The following FGF14 variants were observed in gnomAD, a reference collection of about 807,000 sequenced individuals.
FGF14 encodes fibroblast growth factor homologous factor 4.
A neutral mutation model predicts 25.5 loss-of-function variants in FGF14; 5 were observed. The ratio of observed to expected loss-of-function variants is 0.20; its 90% confidence interval spans 0.10 to 0.41. The LOEUF (loss-of-function observed/expected upper bound fraction) is 0.41. Ranked by LOEUF, FGF14 falls within the 10% of genes least tolerant of loss-of-function variation. The probability of loss-of-function intolerance (pLI) is 1.00; values close to 1 mark genes in which losing one functional copy is unlikely to be tolerated. For missense variants in FGF14, 222 were observed against 320.1 expected (o/e 0.69, Z 2.34); for synonymous variants, 138 against 118.3 (o/e 1.17, Z -1.08).
chr13:102,041,642 GA>G (rs1284278833), intron 1 of FGF14, among the ~76,000 whole-genome samples: 1 of 151,666 alleles, frequency 6.6e-6, no homozygotes. Flanking sequence ...ACTAGAACAG[GA>G]ATTTTGAAAG....
intron 1 of FGF14, among the ~76,000 whole-genome samples, chr13:101,909,288 A>G (rs1454432697): frequency 6.6e-6 from 1 of 152,208 alleles, no homozygotes; most frequent in African/African-American, 2.4e-5. Flanking sequence ...AGAAACCACC[A>G]TCAGAGTGAA....
chr13:101,904,025 T>C (rs1288801577), intron 1 of FGF14, among the ~76,000 whole-genome samples: 1 of 152,222 alleles, frequency 6.6e-6, no homozygotes, highest in Admixed American at 6.5e-5. Context: ...AATACACTAC[T>C]GTCTCAATGT....
At chr13:102,045,791 T>C (rs2041954848) in intron 1 of FGF14, 1 of 152,158 alleles carries the variant, frequency 6.6e-6, no homozygotes, top group Non-Finnish European at 1.5e-5. Context: ...GAATTCAGCC[T>C]GAAAATCTTT....
intron 1 of FGF14, among the ~76,000 whole-genome samples, chr13:102,224,550 T>A (rs939441468): frequency 2.0e-5 from 3 of 152,084 alleles, no homozygotes; most frequent in African/African-American, 7.2e-5. Flanking sequence ...ACATTCAGGG[T>A]CCTATCCAAC....
chr13:102,049,803 T>A (rs2042142700), intron 1 of FGF14, among the ~76,000 whole-genome samples: 1 of 151,924 alleles, frequency 6.6e-6, no homozygotes, highest in East Asian at 1.9e-4. Context: ...AGGAAGAGAC[T>A]GGAGAGAGCT....
In FGF14 at chr13:101,721,194, T is replaced by G. The variant is rs2034952895; in HGVS notation, c.*1637A>C. ...AGAAAACATTGAATTTTATTAGGTG[T>G]ACACAGAGTTAACAAATAAATTCCC... is the stretch of plus-strand genomic sequence containing the variant. On this transcript the variant is annotated 3_prime_UTR_variant, in exon 5 of 5. Coordinates refer to ENST00000376143, the MANE Select transcript of FGF14 (RefSeq NM_004115.4). 1 of 152,030 alleles carries G rather than the reference T, an allele frequency of 6.6e-6. No individual in the cohort carries two copies. The highest frequency in any genetic ancestry group is 2.4e-5 in the African/African-American group (1 of 41,366). The allele number at this position is 152,030 out of a possible 1,614,324, so 9.4% of individuals were successfully genotyped here. A position where few individuals can be genotyped will look rare whatever the true frequency, so the allele number is the denominator to read the frequency against.
At chr13:101,984,296 A>G (rs2038438522) in intron 1 of FGF14, among the ~76,000 whole-genome samples, 1 of 152,172 alleles carries the variant, frequency 6.6e-6, no homozygotes, top group Non-Finnish European at 1.5e-5. Flanking sequence ...TGCACATATA[A>G]TTGGTTTTAG....
intron 1 of FGF14, among the ~76,000 whole-genome samples, chr13:102,300,628 C>T (rs1348107938): frequency 6.6e-6 from 1 of 152,084 alleles, no homozygotes; most frequent in East Asian, 1.9e-4. Context: ...TAATTTACAA[C>T]CCCATCAGAT....
At chr13:102,286,168 T>C (rs1296415218) in intron 1 of FGF14, among the ~76,000 whole-genome samples, 1 of 152,140 alleles carries the variant, frequency 6.6e-6, no homozygotes, top group Non-Finnish European at 1.5e-5. Flanking sequence ...TAAGCAATCA[T>C]TGCCATATTC....
intron 1 of FGF14, among the ~76,000 whole-genome samples, chr13:102,004,729 A>G (rs1237750580): frequency 6.6e-6 from 1 of 152,112 alleles, no homozygotes; most frequent in African/African-American, 2.4e-5. Flanking sequence ...AGGTCATGGG[A>G]GGCATCCGAT....
At chr13:101,776,118 C>G (rs966936802) in intron 3 of FGF14, among the ~76,000 whole-genome samples, 1 of 152,068 alleles carries the variant, frequency 6.6e-6, no homozygotes, top group African/African-American at 2.4e-5. Flanking sequence ...ACATAGGTAT[C>G]CAGAAAAGAC....
intron 1 of FGF14, among the ~76,000 whole-genome samples, chr13:102,168,478 C>G (rs766665375): frequency 3.9e-5 from 6 of 152,062 alleles, no homozygotes; most frequent in Admixed American, 6.6e-5. Flanking sequence ...TGCACCTAGC[C>G]TAATTCTTTT....
chr13:102,264,693 C>T (rs2052898147), intron 1 of FGF14, among the ~76,000 whole-genome samples: 1 of 152,052 alleles, frequency 6.6e-6, no homozygotes, highest in African/African-American at 2.4e-5. Context: ...ACTAAAACAC[C>T]TGAGTCAAAA....
rs944900328 is a variant in FGF14, at chr13:101,713,655, A to C, written c.*9176T>G. 3.9e-5 allele frequency: 6 copies of C among 152,280 alleles called. No individual in the cohort carries two copies. The highest frequency in any genetic ancestry group is 1.4e-4 in the African/African-American group (6 of 41,578). The allele number at this position is 152,280 out of a possible 1,614,324, so 9.4% of individuals were successfully genotyped here. On this transcript the variant is annotated 3_prime_UTR_variant, in exon 5 of 5. Coordinates refer to ENST00000376143, the MANE Select transcript of FGF14 (RefSeq NM_004115.4). The stretch of plus-strand genomic sequence containing the variant: ...TGAGAGAACTTCTGTCTTGGATACC[A>C]TTCATCATCTCATTTATTTTCTTTT...
intron 3 of FGF14, among the ~76,000 whole-genome samples, chr13:101,790,710 A>G (rs1261831539): frequency 4.6e-5 from 7 of 152,096 alleles, no homozygotes; most frequent in African/African-American, 1.7e-4. Context: ...TGAGTCCACC[A>G]TAAAGGTGTT....
intron 1 of FGF14, among the ~76,000 whole-genome samples, chr13:102,052,836 A>G (rs1224551206): frequency 6.6e-6 from 1 of 152,140 alleles, no homozygotes; most frequent in Non-Finnish European, 1.5e-5. Context: ...AAAACATCTG[A>G]AAGTACAGAA....
intron 1 of FGF14, among the ~76,000 whole-genome samples, chr13:102,053,154 T>C (rs547024006): frequency 6.0e-4 from 92 of 152,098 alleles, no homozygotes; most frequent in African/African-American, 2.0e-3. Flanking sequence ...AAAGGATCTA[T>C]AAAACAATAA....
intron 1 of FGF14, among the ~76,000 whole-genome samples, chr13:101,938,546 G>A (rs1159404220): frequency 6.6e-6 from 1 of 152,134 alleles, no homozygotes; most frequent in African/African-American, 2.4e-5. Flanking sequence ...TAAAATCCAT[G>A]CCATTGAGAA....
intron 2 of FGF14, among the ~76,000 whole-genome samples, chr13:101,872,854 C>G (rs1469105002): frequency 2.0e-5 from 3 of 151,992 alleles, no homozygotes; most frequent in Admixed American, 2.0e-4. Flanking sequence ...CAGAACTTTG[C>G]ACAGGAATTT....
Sources: gnomAD v4.1 joint callset for allele counts (sites outside exome capture counted in the v4.1 genomes callset) on GRCh38, gnomAD v4.1.1 for gene constraint, MANE v1.5 for transcripts, NCBI Gene and HGNC (gene_info 2026-07-23, HGNC 2026-07-21) for gene names.